CHTF18: variants seen among roughly 807,000 people sequenced by gnomAD.
The protein encoded by CHTF18 is chromosome transmission fidelity factor 18.
Under a neutral mutation model 113.4 loss-of-function variants are expected in CHTF18, and 151 were observed. That is an observed-to-expected ratio of 1.33 (90% CI 1.17 to 1.52). The LOEUF (loss-of-function observed/expected upper bound fraction) is 1.52. Ranked by LOEUF, CHTF18 falls within the 40% of genes most tolerant of loss-of-function variation. The probability of loss-of-function intolerance (pLI) is 0.00; values close to 1 mark genes in which losing one functional copy is unlikely to be tolerated. For missense variants in CHTF18, 1,982 were observed against 1,381.6 expected (o/e 1.43, Z -6.89); for synonymous variants, 916 against 598.8 (o/e 1.53, Z -7.74).
Position 789,191 on chromosome 16 carries a change from C to G in CHTF18, c.287-19C>G, listed in dbSNP as rs1297927282. ...CGAGGCTGAGGAGGCCTCTGGTTCC[C>G]TGCATGTGTCTCCCCCAGCCCCCAG... On this transcript the variant is annotated intron_variant, in intron 2 of 21. Transcript: ENST00000262315. 3.2e-6 allele frequency: 5 copies of G among 1,550,518 alleles called. No individual in the cohort carries two copies. The highest frequency in any genetic ancestry group is 4.4e-6 in the Non-Finnish European group (5 of 1,147,116).
chr16:796,613 T>C, intron 18 of CHTF18, 104 bp from the exon 19 acceptor site: 1 of 1,345,716 alleles, frequency 7.4e-7, no homozygotes, highest in Non-Finnish European at 9.8e-7. Context: ...ACATTCCTGC[T>C]CTGGCCTTGT....
At position 789,171 on chromosome 16, in the gene CHTF18, C is replaced by T. The variant is rs1260806232; in HGVS notation, c.287-39C>T. The T allele has an allele frequency of 3.2e-6, 5 of 1,549,938 alleles. No homozygotes were observed. In the Admixed American group the frequency reaches 9.8e-5, roughly 30 times the overall value. On this transcript the variant is annotated intron_variant, in intron 2 of 21. Transcript: ENST00000262315. Reference sequence around the variant, plus strand: ...CAGGGCCTCCGGAGTGGGCGCGAGGCTGAGGAGGCCTCTGGTTCCCTGCAT... The same window carrying T: ...CAGGGCCTCCGGAGTGGGCGCGAGGTTGAGGAGGCCTCTGGTTCCCTGCAT...
chr16:797,945 G>A lies in CHTF18; in HGVS notation c.2898G>A (p.Arg966=), dbSNP rs1199318587. The A allele has an allele frequency of 1.3e-5, 21 of 1,612,274 alleles. No homozygotes were observed. The highest frequency in any genetic ancestry group is 1.7e-5 in the Non-Finnish European group (20 of 1,179,760). The change falls in exon 22 of 22, where the codon CGG becomes CGA. Residue 966 remains arginine, a synonymous_variant. Transcript: ENST00000262315. The part of the protein sequence containing the change: ...RFNEGVSNAV[R]RSLYIRDLL The stretch of plus-strand genomic sequence containing the variant: ...ACGAGGGTGTCTCCAACGCCGTGCG[G>A]CGCAGCCTGTACATCAGGGACTTGC...
At position 796,779 on chromosome 16, in the gene CHTF18, C is replaced by T. The variant is rs746916134; in HGVS notation, c.2519C>T (p.Thr840Met). Residue 840 changes from threonine to methionine, a missense_variant, in exon 19 of 22, where the codon ACG (threonine) becomes ATG (methionine). Physicochemically the swap from Thr to Met is moderately conservative, Grantham distance 81. Coordinates refer to ENST00000262315, the MANE Select transcript of CHTF18 (RefSeq NM_022092.3). ...LPARKPLTYQTKQLIAREIEV... is the reference protein window; with the variant it reads ...LPARKPLTYQMKQLIAREIEV... The stretch of plus-strand genomic sequence containing the variant: ...GCCCGCAAGCCCCTCACCTACCAGA[C>T]GAAGCAGCTCATCGCCCGCGAGATC... The T allele has an allele frequency of 2.1e-5, 34 of 1,610,066 alleles. No homozygotes were observed. The highest frequency in any genetic ancestry group is 6.7e-5 in the East Asian group (3 of 44,874).
rs1321666983 is a variant in CHTF18 at position 795,396 on chromosome 16, G to GCCGC, written c.2175+42_2175+43insGCCC. 5.4e-6 allele frequency: 8 copies of GCCGC among 1,492,410 alleles called. No homozygotes were observed. The East Asian group carries it at 1.3e-4, about 24-fold the overall frequency. The allele number at this position is 1,492,410 out of a possible 1,614,324, so 92.4% of individuals were successfully genotyped here. On this transcript the variant is annotated intron_variant, in intron 16 of 21. Coordinates refer to ENST00000262315, the MANE Select transcript of CHTF18 (RefSeq NM_022092.3). ...GCACCACGCCTGCCCCCGGCCCCGTGCCCGCCCCCCTGTGCTGCCCGTGTG... is the reference window on the plus strand; with the variant it reads ...GCACCACGCCTGCCCCCGGCCCCGTGCCGCCCCGCCCCCCTGTGCTGCCCGTGTG...
rs188921358 is a variant in CHTF18, at chr16:793,085, G to A, written c.1671+21G>A. The A allele has an allele frequency of 3.5e-3, 5,311 of 1,512,774 alleles. 258 individuals carry two copies. The Admixed American group carries it at 0.091, about 26-fold the overall frequency. The allele number at this position is 1,512,774 out of a possible 1,614,324, so 93.7% of individuals were successfully genotyped here. Reference sequence around the variant, plus strand: ...TGCAGGTGGGCGGCCGGCAGGCACCGGGTGGGGTGGGGTGGGGTCAGGAGT... The same window carrying A: ...TGCAGGTGGGCGGCCGGCAGGCACCAGGTGGGGTGGGGTGGGGTCAGGAGT... On this transcript the variant is annotated intron_variant, in intron 13 of 21. Transcript: ENST00000262315.
At position 795,285 on chromosome 16, in the gene CHTF18, C is replaced by T. The variant is rs1170617720; in HGVS notation, c.2104C>T (p.Pro702Ser). ...FQLLRYPPFL[P>S]VAFHVLFASS... is the part of the protein sequence containing the mutation. ...GCTGCTGCGCTACCCACCCTTCCTG[C>T]CCGTGGCCTTCCATGTGCTGTTTGC... The change falls in exon 16 of 22, where the codon CCC becomes TCC. Residue 702 changes from proline to serine, a missense_variant. Coordinates refer to ENST00000262315, the MANE Select transcript of CHTF18 (RefSeq NM_022092.3). The T allele has an allele frequency of 1.9e-6, 3 of 1,549,038 alleles. No homozygotes were observed. The highest frequency in any genetic ancestry group is 2.4e-5 in the South Asian group (2 of 84,012).
chr16:793,396 C>A, intron 14 of CHTF18, 122 bp downstream of exon 14: 1 of 1,259,240 alleles, frequency 7.9e-7, no homozygotes, highest in South Asian at 1.4e-5. Context: ...CCCGCGGTTG[C>A]CTGGTCCAGC....
chr16:790,840 G>A, intron 7 of CHTF18, 174 bp downstream of exon 7: 4 of 1,431,528 alleles, frequency 2.8e-6, no homozygotes, highest in Non-Finnish European at 1.8e-6. Flanking sequence ...TGTGCTACTG[G>A]TCCCCTGTGA....
rs924158911 is a variant in CHTF18, at chr16:795,329, G to A, written c.2148G>A (p.Arg716=). ...HVLFASSHTP[R]ITFPSSQQEA... is the part of the protein sequence containing the mutation. ...TGTTTGCTTCCAGCCACACACCCAG[G>A]ATCACCTTCCCCAGCAGCCAGCAGG... Residue 716 remains arginine (R), a synonymous_variant, in exon 16 of 22, where the codon AGG becomes AGA. Coordinates refer to ENST00000262315, the MANE Select transcript of CHTF18 (RefSeq NM_022092.3). 7 of 1,547,712 alleles carry A rather than the reference G, an allele frequency of 4.5e-6. No homozygotes were observed. The African/African-American group carries it at 6.9e-5, about 15-fold the overall frequency.
chr16:792,053 T>C lies in CHTF18; in HGVS notation c.1202+105T>C, dbSNP rs549281724. 7.1e-6 allele frequency: 11 copies of C among 1,541,486 alleles called. No individual in the cohort carries two copies. The African/African-American group carries it at 1.5e-4, about 21-fold the overall frequency. Reference sequence around the variant, plus strand: ...GTGGATGTTCCCGTCTTGAGGGTGGTGGGGGCCTGGGTGTGTGGGCCGGGA... The same window carrying C: ...GTGGATGTTCCCGTCTTGAGGGTGGCGGGGGCCTGGGTGTGTGGGCCGGGA... On this transcript the variant is annotated intron_variant, in intron 9 of 21. Coordinates refer to ENST00000262315, the MANE Select transcript of CHTF18 (RefSeq NM_022092.3).
At chr16:791,660 G>A in intron 8 of CHTF18, 191 bp from the exon 9 acceptor site, 1 of 1,428,236 alleles carries the variant, frequency 7.0e-7, no homozygotes, top group Non-Finnish European at 9.1e-7. Context: ...CACGAACTTT[G>A]CTTTGTGTAG....
rs1309022825 is a variant in CHTF18, at chr16:790,866, A to G, written c.894+200A>G. 4 of 1,430,712 alleles carry G rather than the reference A, an allele frequency of 2.8e-6. No homozygotes were observed. The East Asian group carries it at 1.0e-4, about 36-fold the overall frequency. 88.6% of individuals were successfully genotyped at this position (1,430,712 alleles called of 1,614,324 possible). ...TCCCCTGTGACCTGTGAGGCAGGCT[A>G]GGGGTCCAGGGTGTCACCTGATCCA... is the stretch of plus-strand genomic sequence containing the variant. On this transcript the variant is annotated intron_variant, in intron 7 of 21. Transcript: ENST00000262315.
In CHTF18 at chr16:797,052, G is replaced by A. The variant is rs776438056; in HGVS notation, c.2693G>A (p.Arg898Gln). ...HRPAPRNHEQ[R>Q]LEHIMRRAAR... ...CCTGCCCCACGCAACCATGAGCAGC[G>A]GCTGGAGCACATCATGAGGCGAGCG... The change falls in exon 20 of 22, where the codon CGG becomes CAG. Residue 898 changes from arginine (R) to glutamine (Q), a missense_variant. Arg to Gln is a conservative substitution (Grantham distance 43). Coordinates refer to ENST00000262315, the MANE Select transcript of CHTF18 (RefSeq NM_022092.3). The A allele has an allele frequency of 2.8e-5, 43 of 1,557,400 alleles. No individual in the cohort carries two copies. Among genetic ancestry groups the A allele is most frequent in the African/African-American group, 6.8e-5 (5 of 73,024 alleles).
chr16:796,268 G>C (rs940714502), intron 18 of CHTF18, among the ~76,000 whole-genome samples, 191 bp downstream of exon 18: 1 of 152,242 alleles, frequency 6.6e-6, no homozygotes, highest in Non-Finnish European at 1.5e-5. Context: ...ATTGGCTCTG[G>C]GACCTGAGTT....
intron 19 of CHTF18, 37 bp from the exon 20 acceptor site, chr16:796,924 C>T (rs1442276459): frequency 9.8e-6 from 15 of 1,535,586 alleles, no homozygotes; most frequent in African/African-American, 4.1e-5. Flanking sequence ...CACTGTATCC[C>T]TGTGTGGCCA....
At position 796,680 on chromosome 16, in the gene CHTF18, C is replaced by G. The variant is rs200064373; in HGVS notation, c.2457-37C>G. On this transcript the variant is annotated intron_variant, in intron 18 of 21. Transcript: ENST00000262315. ...CGGCTCTCTGGCCCTGAGCCTGGCC[C>G]CGCTGACCTGCCCTGGTGTCCCCCT... 2.6e-6 allele frequency: 4 copies of G among 1,549,532 alleles called. No homozygotes were observed. In the African/African-American group the frequency reaches 5.4e-5, roughly 21 times the overall value.
In CHTF18 at chr16:796,886, AG is replaced by A. The variant is rs761417034; in HGVS notation, c.2601+27del. 25 of 1,574,492 alleles carry A rather than the reference AG, an allele frequency of 1.6e-5. No individual in the cohort carries two copies. In the East Asian group the frequency reaches 5.7e-4, roughly 36 times the overall value. On this transcript the variant is annotated intron_variant, in intron 19 of 21. Coordinates refer to ENST00000262315, the MANE Select transcript of CHTF18 (RefSeq NM_022092.3). ...GGTGAGCCCACCCAGGCTCTGGAGC[AG>A]GTTGCAGTCTGGGCGTGCACCATCC...
chr16:796,902 G>A (rs780160394), intron 19 of CHTF18, 41 bp downstream of exon 19: 175 of 1,559,004 alleles, frequency 1.1e-4, no homozygotes, highest in African/African-American at 6.5e-4. Context: ...CAGTCTGGGC[G>A]TGCACCATCC....
Sources: allele counts gnomAD v4.1 joint callset (sites outside exome capture counted in the v4.1 genomes callset), GRCh38; gene constraint gnomAD v4.1.1; transcripts MANE v1.5; gene names NCBI Gene and HGNC (gene_info 2026-07-23, HGNC 2026-07-21).